The following ADARB2 variants were observed in gnomAD, a reference collection of about 807,000 sequenced individuals.
ADARB2 encodes inactive double-stranded RNA-specific editase B2.
A neutral mutation model predicts 62.2 loss-of-function variants in ADARB2; 25 were observed. The observed-to-expected ratio is 0.40, with a 90% confidence interval of 0.29 to 0.56. The LOEUF (loss-of-function observed/expected upper bound fraction) is 0.56, where lower values mean the gene tolerates loss of function less well. Among genes scored for constraint, ADARB2 ranks in the 20% least tolerant of loss-of-function variants. The pLI is 0.43. For synonymous variants in ADARB2, 572 were observed against 500.8 expected, an observed-to-expected ratio of 1.14 and a Z score of -1.90; for missense variants, 1,071 against 1,077.4, an observed-to-expected ratio of 0.99 and a Z score of 0.08.
At chr10:1,353,353 G>C (rs181176571) in intron 3 of ADARB2, among the ~76,000 whole-genome samples, 1 of 152,064 alleles carries the variant, frequency 6.6e-6, no homozygotes, top group African/African-American at 2.4e-5. Flanking sequence ...GCGAACATCC[G>C]CTGGCTTTGC....
intron 1 of ADARB2, among the ~76,000 whole-genome samples, chr10:1,643,613 G>A (rs1396092197): frequency 6.6e-6 from 1 of 152,220 alleles, no homozygotes; most frequent in Non-Finnish European, 1.5e-5. Flanking sequence ...GAGAGGCCAG[G>A]AAGAACTCAA....
intron 1 of ADARB2, among the ~76,000 whole-genome samples, chr10:1,693,453 T>C (rs1261995976): frequency 6.6e-6 from 1 of 152,222 alleles, no homozygotes; most frequent in Non-Finnish European, 1.5e-5. Flanking sequence ...CGTCCTCATA[T>C]AGTAAAAGGA....
chr10:1,192,118 C>T (rs939570913), intron 8 of ADARB2, among the ~76,000 whole-genome samples: 2 of 152,194 alleles, frequency 1.3e-5, no homozygotes, highest in African/African-American at 2.4e-5. Context: ...GTAAGTGAGA[C>T]GTTACAGCAT....
intron 3 of ADARB2, among the ~76,000 whole-genome samples, chr10:1,308,333 CCTT>C (rs1430112643): frequency 1.3e-5 from 2 of 152,172 alleles, no homozygotes; most frequent in African/African-American, 4.8e-5. Flanking sequence ...TCCCTGTCTT[CCTT>C]CTTTGTAATG....
At chr10:1,373,073 C>T (rs1173826140) in intron 2 of ADARB2, among the ~76,000 whole-genome samples, 2 of 152,230 alleles carry the variant, frequency 1.3e-5, no homozygotes, top group Non-Finnish European at 2.9e-5. Context: ...CCCAAACACT[C>T]AGCAGATTCA....
At chr10:1,364,029 C>A in intron 2 of ADARB2, 112 bp from the exon 3 acceptor site, 3 of 1,350,122 alleles carry the variant, frequency 2.2e-6, no homozygotes, top group Non-Finnish European at 2.9e-6. Flanking sequence ...CCCGCGCCCC[C>A]AGGTCAGGCC....
At chr10:1,467,537 A>G (rs1479213248) in intron 1 of ADARB2, among the ~76,000 whole-genome samples, 1 of 152,206 alleles carries the variant, frequency 6.6e-6, no homozygotes, top group African/African-American at 2.4e-5. Context: ...ATGGAGACTC[A>G]GGGTCTGGGC....
At chr10:1,291,706 T>C (rs1831467698) in intron 3 of ADARB2, 1 of 152,192 alleles carries the variant, frequency 6.6e-6, no homozygotes, top group South Asian at 2.1e-4. Context: ...GGTGAAGTTT[T>C]AAATTTGGAC....
intron 1 of ADARB2, among the ~76,000 whole-genome samples, chr10:1,448,333 T>TCA (rs1564291665): frequency 3.9e-5 from 6 of 152,326 alleles, no homozygotes; most frequent in Middle Eastern, 3.4e-3. Context: ...ATGTTAAGTG[T>TCA]CTACTCCAAA....
At chr10:1,203,682 T>C (rs1837015499) in intron 7 of ADARB2, among the ~76,000 whole-genome samples, 1 of 151,570 alleles carries the variant, frequency 6.6e-6, no homozygotes. Flanking sequence ...GTGATTCTCC[T>C]GTGAGCCAGG....
chr10:1,522,317 A>C (rs774495372), intron 1 of ADARB2, among the ~76,000 whole-genome samples: 8 of 152,162 alleles, frequency 5.3e-5, no homozygotes, highest in Non-Finnish European at 7.3e-5. Flanking sequence ...CTCACAAACT[A>C]TAGGAATCTG....
At chr10:1,656,883 G>A (rs1834177894) in intron 1 of ADARB2, among the ~76,000 whole-genome samples, 1 of 151,940 alleles carries the variant, frequency 6.6e-6, no homozygotes, top group African/African-American at 2.4e-5. Flanking sequence ...ATGCCATGAA[G>A]TAGAGGCATT....
chr10:1,603,134 CAT>C (rs1481909697), intron 1 of ADARB2, among the ~76,000 whole-genome samples: 1 of 151,404 alleles, frequency 6.6e-6, no homozygotes, highest in African/African-American at 2.4e-5. Context: ...CCTATACACA[CAT>C]AAACACACAC....
At chr10:1,461,719 G>T (rs1831177188) in intron 1 of ADARB2, among the ~76,000 whole-genome samples, 1 of 151,778 alleles carries the variant, frequency 6.6e-6, no homozygotes, top group Non-Finnish European at 1.5e-5. Context: ...TTGTTTTTAG[G>T]CCAGGTGCAG....
At chr10:1,479,576 G>A (rs140325728) in intron 1 of ADARB2, among the ~76,000 whole-genome samples, 27 of 152,230 alleles carry the variant, frequency 1.8e-4, no homozygotes, top group African/African-American at 5.8e-4. Flanking sequence ...ATCCAGAGTC[G>A]GGTTCTGCCT....
intron 6 of ADARB2, among the ~76,000 whole-genome samples, chr10:1,233,099 C>T (rs1830825175): frequency 6.6e-6 from 1 of 152,096 alleles, no homozygotes. Context: ...CCACCCTGCC[C>T]CACGCCCTGC....
intron 1 of ADARB2, among the ~76,000 whole-genome samples, chr10:1,418,573 C>T (rs768985314): frequency 1.1e-4 from 16 of 152,124 alleles, no homozygotes; most frequent in Admixed American, 2.0e-4. Flanking sequence ...AAAAACAGCC[C>T]GCAGTAAAAA....
At chr10:1,338,464 C>T (rs549340458) in intron 3 of ADARB2, among the ~76,000 whole-genome samples, 2 of 152,314 alleles carry the variant, frequency 1.3e-5, no homozygotes, top group African/African-American at 4.8e-5. Context: ...ACTATTTCCT[C>T]AAAAACAATC....
intron 1 of ADARB2, among the ~76,000 whole-genome samples, chr10:1,428,247 A>G (rs1830729548): frequency 1.3e-5 from 2 of 151,086 alleles, no homozygotes; most frequent in Admixed American, 6.6e-5. Flanking sequence ...TGCTGGGATT[A>G]TAGGAGTGAG....
Sources: allele counts gnomAD v4.1 joint callset (sites outside exome capture counted in the v4.1 genomes callset), GRCh38; gene constraint gnomAD v4.1.1; transcripts MANE v1.5; gene names NCBI Gene and HGNC (gene_info 2026-07-23, HGNC 2026-07-21).